PRKN: variants seen among roughly 807,000 people sequenced by gnomAD.
PRKN encodes E3 ubiquitin-protein ligase parkin.
A neutral mutation model predicts 59.5 loss-of-function variants in PRKN; 56 were observed. The observed-to-expected ratio is 0.94, with a 90% CI of 0.76 to 1.18. The LOEUF (loss-of-function observed/expected upper bound fraction) is 1.18. Ranked by LOEUF, PRKN falls within the 50% of genes most tolerant of loss-of-function variation. The pLI is 0.00. For synonymous variants in PRKN, 250 were observed against 222.1 expected, an observed-to-expected ratio of 1.13 and a Z score of -1.12; for missense variants, 657 against 596.4, an observed-to-expected ratio of 1.10 and a Z score of -1.06.
intron 3 of PRKN, among the ~76,000 whole-genome samples, chr6:162,257,292 C>A (rs1419913013): frequency 6.6e-6 from 1 of 152,010 alleles, no homozygotes; most frequent in Non-Finnish European, 1.5e-5. Flanking sequence ...CCAGCGTGGC[C>A]ACAGTTTTTC....
chr6:162,436,173 C>CT (rs1789757925), intron 2 of PRKN, among the ~76,000 whole-genome samples: 1 of 47,874 alleles, frequency 2.1e-5, no homozygotes, highest in African/African-American at 8.8e-5. Context: ...AAGACTCCAT[C>CT]TCCAAAAAAA....
chr6:162,077,453 A>G (rs1056344548), intron 4 of PRKN, among the ~76,000 whole-genome samples: 3 of 152,068 alleles, frequency 2.0e-5, no homozygotes, highest in East Asian at 1.9e-4. Context: ...CTACTGCCCC[A>G]TGCACGTTTG....
intron 7 of PRKN, among the ~76,000 whole-genome samples, chr6:161,621,117 G>C (rs2128150691): frequency 6.6e-6 from 1 of 152,242 alleles, no homozygotes; most frequent in Middle Eastern, 3.4e-3. Context: ...AGGCTCAAAG[G>C]GGCCAGGGTT....
chr6:161,870,387 C>G (rs1794296107), intron 6 of PRKN, among the ~76,000 whole-genome samples: 1 of 152,142 alleles, frequency 6.6e-6, no homozygotes, highest in South Asian at 2.1e-4. Flanking sequence ...ACTTTTCATG[C>G]ACTCAGACTT....
chr6:161,542,150 T>G (rs1779637708), intron 9 of PRKN, among the ~76,000 whole-genome samples: 1 of 152,254 alleles, frequency 6.6e-6, no homozygotes, highest in African/African-American at 2.4e-5. Flanking sequence ...CTTATGATTT[T>G]CTTAATAATG....
In PRKN at chr6:161,485,623, A is replaced by G. The variant is rs924569994; in HGVS notation, c.1083+63231T>C. Among the ~76,000 whole-genome samples, 4 of 152,298 alleles carry G rather than the reference A, an allele frequency of 2.6e-5. No homozygotes were observed. In the South Asian group the frequency reaches 6.2e-4, roughly 24 times the overall value. The stretch of plus-strand genomic sequence containing the variant: ...TTTCTAAAATTTAGATGCAATATGT[A>G]TAAGAGAGAAGCTTCTACTTGTGAT... On this transcript the variant is annotated intron_variant, in intron 9 of 11. Coordinates refer to ENST00000366898, the MANE Select transcript of PRKN (RefSeq NM_004562.3).
At chr6:162,128,148 G>A (rs1415857237) in intron 4 of PRKN, among the ~76,000 whole-genome samples, 2 of 152,298 alleles carry the variant, frequency 1.3e-5, no homozygotes, top group South Asian at 2.1e-4. Context: ...CAGTGCTAGA[G>A]TGTGGGCCTC....
intron 10 of PRKN, among the ~76,000 whole-genome samples, chr6:161,367,139 C>T (rs1223119737): frequency 2.0e-5 from 3 of 151,550 alleles, no homozygotes; most frequent in South Asian, 2.1e-4. Flanking sequence ...TACAGGCGCC[C>T]GCCACCACGC....
At chr6:161,653,775 T>C (rs1391240460) in intron 7 of PRKN, among the ~76,000 whole-genome samples, 1 of 152,164 alleles carries the variant, frequency 6.6e-6, no homozygotes, top group Non-Finnish European at 1.5e-5. Flanking sequence ...GGAGAGCACA[T>C]TTAAGGGTAA....
At chr6:162,598,585 G>A (rs576205382) in intron 1 of PRKN, among the ~76,000 whole-genome samples, 2 of 152,236 alleles carry the variant, frequency 1.3e-5, no homozygotes, top group Admixed American at 1.3e-4. Context: ...GGGCACGGTG[G>A]CTCAAGCCTG....
intron 2 of PRKN, among the ~76,000 whole-genome samples, chr6:162,436,545 C>T (rs1011092738): frequency 2.4e-4 from 36 of 151,734 alleles, no homozygotes; most frequent in African/African-American, 8.0e-4. Flanking sequence ...CTCCTGACCT[C>T]GTGATCTGCC....
rs777028529 is a variant in PRKN at position 161,399,552 on chromosome 6, G to T, written c.1084-12675C>A. On this transcript the variant is annotated intron_variant, in intron 9 of 11. Coordinates refer to ENST00000366898, the MANE Select transcript of PRKN (RefSeq NM_004562.3). The surrounding 1 kb of genome is among the most constrained non-coding windows in gnomAD (Gnocchi z 4.4). The stretch of plus-strand genomic sequence containing the variant: ...CCTCCCATAAGGAGTTTGAGCAGTG[G>T]TGGTGGCTGAACTGATGAGCCATAT... 6.6e-6 allele frequency among the ~76,000 whole-genome samples: 1 copy of T among 152,178 alleles called. No individual in the cohort carries two copies. Among genetic ancestry groups the T allele is most frequent in the Non-Finnish European group, 1.5e-5 (1 of 68,046 alleles).
chr6:161,875,482 T>C (rs1794701305), intron 6 of PRKN, among the ~76,000 whole-genome samples: 1 of 152,012 alleles, frequency 6.6e-6, no homozygotes, highest in Admixed American at 6.6e-5. Context: ...CGTGAGCCAC[T>C]GTGCCTGGCC....
chr6:162,428,658 C>T (rs945947416), intron 2 of PRKN, among the ~76,000 whole-genome samples: 8 of 152,192 alleles, frequency 5.3e-5, no homozygotes, highest in Admixed American at 1.3e-4. Flanking sequence ...TCTCACAATG[C>T]GTACATCTGC....
chr6:162,519,961 G>A lies in PRKN; in HGVS notation c.8-76488C>T, dbSNP rs572855504. Among the ~76,000 whole-genome samples, 5 of 152,098 alleles carry A rather than the reference G, an allele frequency of 3.3e-5. No homozygotes were observed. In the South Asian group the frequency reaches 1.0e-3, roughly 32 times the overall value. On this transcript the variant is annotated intron_variant, in intron 1 of 11. Coordinates refer to ENST00000366898, the MANE Select transcript of PRKN (RefSeq NM_004562.3). ...TATATTCACTCATGTTAAAAAATAC[G>A]GCTGATGGTTGAGCACAGTGGCTCA... is the stretch of plus-strand genomic sequence containing the variant.
chr6:161,633,622 G>T (rs1011527050), intron 7 of PRKN, among the ~76,000 whole-genome samples: 4 of 152,210 alleles, frequency 2.6e-5, no homozygotes, highest in Non-Finnish European at 4.4e-5. Flanking sequence ...ACAGTTAAAA[G>T]AAACTGAGAT....
intron 1 of PRKN, among the ~76,000 whole-genome samples, chr6:162,541,744 G>C (rs1778931963): frequency 6.6e-6 from 1 of 152,130 alleles, no homozygotes. Context: ...TCATTTTGCA[G>C]CCGTTTAGCG....
intron 6 of PRKN, among the ~76,000 whole-genome samples, chr6:161,896,866 G>T (rs185668928): frequency 6.6e-6 from 1 of 152,196 alleles, no homozygotes; most frequent in East Asian, 1.9e-4. Context: ...TCTATTCCTA[G>T]ATAATATAAT....
At chr6:162,372,603 G>A (rs915734760) in intron 2 of PRKN, among the ~76,000 whole-genome samples, 3 of 152,010 alleles carry the variant, frequency 2.0e-5, no homozygotes, top group East Asian at 1.9e-4. Context: ...CTAACTATTC[G>A]GTGCTATGCT....
Sources: allele counts gnomAD v4.1 joint callset (sites outside exome capture counted in the v4.1 genomes callset), GRCh38; gene constraint gnomAD v4.1.1; non-coding constraint Gnocchi (gnomAD v3.1); transcripts MANE v1.5; gene names NCBI Gene and HGNC (gene_info 2026-07-23, HGNC 2026-07-21).